Variants in PRKCI observed in about 807,000 individuals in gnomAD.
PRKCI encodes the protein protein kinase C iota.
In PRKCI, 43 loss-of-function variants were observed where a neutral mutation model predicts 84.0. The observed-to-expected ratio is 0.51, with a 90% CI of 0.40 to 0.66. PRKCI has a LOEUF of 0.66. PRKCI is among the 30% of genes least tolerant of loss of function. The probability of loss-of-function intolerance (pLI) is 0.00; values close to 1 mark genes in which losing one functional copy is unlikely to be tolerated. For missense variants in PRKCI, 459 were observed against 745.6 expected, an observed-to-expected ratio of 0.62 and a Z score of 4.48; for synonymous variants, 216 against 234.4, an observed-to-expected ratio of 0.92 and a Z score of 0.72.
rs1214011560 is a variant in PRKCI, at chr3:170,260,062, A to G, written c.313+4A>G. ...GATTCTGAACTCTTGATTCATGGTA[A>G]GAGAGTAGTCATTTCATACTCGTCC... On this transcript the variant is annotated splice_donor_region_variant and intron_variant, in intron 3 of 17. Coordinates refer to ENST00000295797, the MANE Select transcript of PRKCI (RefSeq NM_002740.6). 3.8e-6 allele frequency: 6 copies of G among 1,584,718 alleles called. No homozygotes were observed. Among genetic ancestry groups the G allele is most frequent in the Middle Eastern group, 1.7e-4 (1 of 5,998 alleles).
At position 170,304,970 on chromosome 3, in the gene PRKCI, T is replaced by C. The variant is rs138385075; in HGVS notation, c.*1843T>C. The C allele has an allele frequency of 4.3e-3, 659 of 152,304 alleles. 5 individuals are homozygous for C. Among genetic ancestry groups the C allele is most frequent in the African/African-American group, 0.015 (635 of 41,562 alleles). The allele number at this position is 152,304 out of a possible 1,614,324, so 9.4% of individuals were successfully genotyped here. ...CCAAAGTTTCTAGCTATATACTCTC[T>C]TTCCTTCAAATAACATAAGTCTGAA... On this transcript the variant is annotated 3_prime_UTR_variant, in exon 18 of 18. Transcript: ENST00000295797.
chr3:170,263,671 C>T (rs1405092028), intron 4 of PRKCI, among the ~76,000 whole-genome samples: 1 of 152,034 alleles, frequency 6.6e-6, no homozygotes, highest in Admixed American at 6.6e-5. Context: ...ATGGTGTGTG[C>T]CTATAATCTC....
rs1280748335 is a variant in PRKCI, at chr3:170,235,297, A to C, written c.169A>C (p.Met57Leu). ...FEGLCNEVRD[M>L]CSFDNEQLFT... is the part of the protein sequence containing the mutation. ...GGGCCTTTGCAATGAGGTTCGAGAC[A>C]TGTGTTCTTTTGACAACGAACAGCT... Residue 57 changes from methionine (M) to leucine (L), a missense_variant, in exon 2 of 18, where the codon ATG becomes CTG. Physicochemically the swap from Met to Leu is conservative, Grantham distance 15 (BLOSUM62 2). Around this residue, in one of 2 missense-constraint regions of PRKCI, gnomAD observed 250 missense variants for 319.7 expected, o/e 0.78. Transcript: ENST00000295797. The C allele has an allele frequency of 1.2e-6, 2 of 1,614,042 alleles. No individual in the cohort carries two copies. The highest frequency in any genetic ancestry group is 1.7e-6 in the Non-Finnish European group (2 of 1,179,908).
chr3:170,283,340 A>G (rs149649566), intron 11 of PRKCI, among the ~76,000 whole-genome samples: 189 of 152,322 alleles, frequency 1.2e-3, no homozygotes, highest in African/African-American at 4.2e-3. Context: ...GTGAGTTTGT[A>G]TATGTATGTT....
chr3:170,292,217 A>G (rs1734569093), intron 13 of PRKCI, among the ~76,000 whole-genome samples: 1 of 152,218 alleles, frequency 6.6e-6, no homozygotes, highest in Admixed American at 6.5e-5. Flanking sequence ...TATATTAACT[A>G]AGTTAATCCT....
At chr3:170,263,715 T>C (rs1733789831) in intron 4 of PRKCI, among the ~76,000 whole-genome samples, 1 of 152,132 alleles carries the variant, frequency 6.6e-6, no homozygotes, top group Admixed American at 6.6e-5. Flanking sequence ...GAGGATCCCT[T>C]GAGCCCAGGA....
In PRKCI at chr3:170,284,426, T is replaced by G. The variant is rs1734323704; in HGVS notation, c.1068-35T>G. ...TTGTAAATGTAGAACTTAAATATGG[T>G]TGAATCAAATGACTTATTTTTTATT... On this transcript the variant is annotated intron_variant, in intron 11 of 17. Coordinates refer to ENST00000295797, the MANE Select transcript of PRKCI (RefSeq NM_002740.6). The G allele has an allele frequency of 2.0e-6, 3 of 1,491,146 alleles. No homozygotes were observed. In the South Asian group the frequency reaches 3.6e-5, roughly 18 times the overall value. The allele number at this position is 1,491,146 out of a possible 1,614,324, so 92.4% of individuals were successfully genotyped here.
In PRKCI at chr3:170,281,279, A is replaced by G. The variant is rs747603027; in HGVS notation, c.980+16A>G. On this transcript the variant is annotated intron_variant, in intron 10 of 17. Transcript: ENST00000295797. The stretch of plus-strand genomic sequence containing the variant: ...CAGAAAGCAGGTAAGATTGAAAGAT[A>G]GTAGAATGATTACTGGGCTTCATAT... 46 of 1,602,272 alleles carry G rather than the reference A, an allele frequency of 2.9e-5. No homozygotes were observed. The highest frequency in any genetic ancestry group is 3.9e-5 in the Non-Finnish European group (46 of 1,169,576).
At chr3:170,286,147 G>A (rs369782207) in intron 12 of PRKCI, among the ~76,000 whole-genome samples, 1 of 151,050 alleles carries the variant, frequency 6.6e-6, no homozygotes, top group Non-Finnish European at 1.5e-5. Flanking sequence ...GGCTGGTCGC[G>A]AACTCCTGAC....
At chr3:170,290,745 T>C (rs1734531108) in intron 12 of PRKCI, among the ~76,000 whole-genome samples, 3 of 152,202 alleles carry the variant, frequency 2.0e-5, no homozygotes, top group Admixed American at 2.0e-4. Flanking sequence ...CAAGTGTATA[T>C]TTGTTACAAT....
intron 17 of PRKCI, among the ~76,000 whole-genome samples, chr3:170,300,806 C>T (rs1487278510): frequency 1.3e-5 from 2 of 151,472 alleles, no homozygotes; most frequent in East Asian, 3.9e-4. Context: ...GGGGTCAGTC[C>T]TCCTCTCCCT....
Position 170,291,790 on chromosome 3 carries a change from G to C in PRKCI, c.1204-64G>C, listed in dbSNP as rs1484003917. On this transcript the variant is annotated intron_variant, in intron 12 of 17. Transcript: ENST00000295797. ...CTGAACTTATATGATAGGTGAAATA[G>C]AAAGGGTGAATTTAAAACAGAACTT... is the stretch of plus-strand genomic sequence containing the variant. 4 of 1,292,934 alleles carry C rather than the reference G, an allele frequency of 3.1e-6. No homozygotes were observed. In the Admixed American group the frequency reaches 6.8e-5, roughly 22 times the overall value. The allele number at this position is 1,292,934 out of a possible 1,614,324, so 80.1% of individuals were successfully genotyped here. A position where few individuals can be genotyped will look rare whatever the true frequency, so the allele number is the denominator to read the frequency against.
intron 2 of PRKCI, among the ~76,000 whole-genome samples, chr3:170,241,787 C>T (rs1354621764): frequency 2.0e-5 from 3 of 147,832 alleles, no homozygotes; most frequent in South Asian, 2.1e-4. Context: ...CCTCCCATCG[C>T]AGCCTCTTAG....
chr3:170,224,274 A>G (rs1448375061), intron 1 of PRKCI, among the ~76,000 whole-genome samples: 1 of 151,978 alleles, frequency 6.6e-6, no homozygotes, highest in Non-Finnish European at 1.5e-5. Flanking sequence ...TATTGGAGTT[A>G]TATTGGACAG....
chr3:170,255,340 G>A (rs1316897759), intron 2 of PRKCI, among the ~76,000 whole-genome samples: 1 of 152,004 alleles, frequency 6.6e-6, no homozygotes, highest in Non-Finnish European at 1.5e-5. Context: ...GATTACAGGT[G>A]TGAGCCACCG....
intron 12 of PRKCI, among the ~76,000 whole-genome samples, chr3:170,287,301 T>G (rs1734417970): frequency 6.6e-6 from 1 of 151,454 alleles, no homozygotes; most frequent in African/African-American, 2.4e-5. Context: ...CCAGTCTGGG[T>G]GACAGAGTGA....
intron 2 of PRKCI, chr3:170,244,659 G>A (rs912659323): frequency 2.0e-5 from 3 of 152,164 alleles, no homozygotes; most frequent in African/African-American, 4.8e-5. Context: ...ACTCACAAGA[G>A]GCAGATTAAT....
chr3:170,261,002 G>T (rs1009000999), intron 3 of PRKCI, among the ~76,000 whole-genome samples: 2 of 151,994 alleles, frequency 1.3e-5, no homozygotes, highest in Non-Finnish European at 2.9e-5. Context: ...TGTTGCCCAG[G>T]CTGGAGTGCA....
At chr3:170,230,795 T>C (rs1042032401) in intron 1 of PRKCI, among the ~76,000 whole-genome samples, 2 of 152,180 alleles carry the variant, frequency 1.3e-5, no homozygotes, top group African/African-American at 4.8e-5. Context: ...AACTCTGTTA[T>C]GTACTAAATT....
Sources: allele counts gnomAD v4.1 joint callset (sites outside exome capture counted in the v4.1 genomes callset), GRCh38; gene constraint gnomAD v4.1.1; regional missense constraint gnomAD v4.1.1; transcripts MANE v1.5; gene names NCBI Gene and HGNC (gene_info 2026-07-23, HGNC 2026-07-21).